CSMD1: variants seen among roughly 807,000 people sequenced by gnomAD.
CSMD1 encodes the protein CUB and Sushi multiple domains 1.
CSMD1 carries 213 observed loss-of-function variants against 417.5 expected under a neutral mutation model. The observed-to-expected ratio is 0.51, with a 90% CI of 0.46 to 0.57. The LOEUF (loss-of-function observed/expected upper bound fraction) is 0.57. Among genes scored for constraint, CSMD1 ranks in the 20% least tolerant of loss-of-function variants. CSMD1 has a pLI of 0.00. For synonymous variants in CSMD1, 2,862 were observed against 1,736.8 expected (o/e 1.65, Z -16.11); for missense variants, 6,923 against 4,529.7 (o/e 1.53, Z -15.17).
In CSMD1 at chr8:3,284,100, G is replaced by C. The variant is rs1802953422; in HGVS notation, c.4153+44C>G. ...GGAGGGAGATCTGTGTTCATGACAA[G>C]ACTTTGATATCAAGGTAAAGAAGAA... On this transcript the variant is annotated intron_variant, in intron 26 of 69. Coordinates refer to ENST00000635120, the MANE Select transcript of CSMD1 (RefSeq NM_033225.6). 4.3e-6 allele frequency: 6 copies of C among 1,401,942 alleles called. No individual in the cohort carries two copies. In the East Asian group the frequency reaches 1.2e-4, roughly 29 times the overall value. 86.8% of individuals were successfully genotyped at this position (1,401,942 alleles called of 1,614,324 possible).
At chr8:3,281,321 G>T (rs1802719819) in intron 26 of CSMD1, among the ~76,000 whole-genome samples, 1 of 152,034 alleles carries the variant, frequency 6.6e-6, no homozygotes, top group Non-Finnish European at 1.5e-5. Context: ...GTGCGTGCTT[G>T]TAATCCCAGC....
At position 3,308,462 on chromosome 8, in the gene CSMD1, A is replaced by C; in HGVS notation, c.3673T>G (p.Tyr1225Asp). 6.2e-7 allele frequency: 1 copy of C among 1,613,632 alleles called. No individual in the cohort carries two copies. Among genetic ancestry groups the C allele is most frequent in the Non-Finnish European group, 8.5e-7 (1 of 1,179,668 alleles). ...CCTTCATCACGGATCCTATAGCCGTAGTTAGGGATGCCCGGATCCTCACAT... is the reference window on the plus strand; with the variant it reads ...CCTTCATCACGGATCCTATAGCCGTCGTTAGGGATGCCCGGATCCTCACAT... ...VKCEDPGIPN[Y>D]GYRIRDEGHF... The change falls in exon 24 of 70, where the codon TAC becomes GAC. Residue 1225 changes from tyrosine to aspartate, a missense_variant. Coordinates refer to ENST00000635120, the MANE Select transcript of CSMD1 (RefSeq NM_033225.6).
chr8:3,836,267 G>C (rs2129090756), intron 5 of CSMD1, among the ~76,000 whole-genome samples: 1 of 152,144 alleles, frequency 6.6e-6, no homozygotes, highest in East Asian at 1.9e-4. Context: ...TTCACAATGT[G>C]GCATTAAAAA....
rs574131398 is a variant in CSMD1, at chr8:4,361,290, A to G, written c.415+58663T>C. Reference sequence around the variant, plus strand: ...ATATTACTACTTACTCATAAATAATACAAGATAAAGAAACTTATTTTTAAA... The same window carrying G: ...ATATTACTACTTACTCATAAATAATGCAAGATAAAGAAACTTATTTTTAAA... On this transcript the variant is annotated intron_variant, in intron 3 of 69. Coordinates refer to ENST00000635120, the MANE Select transcript of CSMD1 (RefSeq NM_033225.6). 3.2e-4 allele frequency among the ~76,000 whole-genome samples: 48 copies of G among 152,352 alleles called. 1 individual carries two copies. The highest frequency in any genetic ancestry group is 5.7e-4 in the Non-Finnish European group (39 of 68,030).
chr8:4,266,279 A>T lies in CSMD1; in HGVS notation c.415+153674T>A, dbSNP rs1470695774. Among the ~76,000 whole-genome samples, 18 of 105,580 alleles carry T rather than the reference A, an allele frequency of 1.7e-4. 3 individuals are homozygous for T. Among genetic ancestry groups the T allele is most frequent in the African/African-American group, 4.7e-4 (18 of 38,556 alleles). 69.3% of individuals were successfully genotyped at this position (105,580 alleles called of 152,430 possible). The stretch of plus-strand genomic sequence containing the variant: ...AATTTAATACCAAAGAAAATTTTAT[A>T]AATTTTTGTTTTCTATGTAAGAGAA... On this transcript the variant is annotated intron_variant, in intron 3 of 69. Coordinates refer to ENST00000635120, the MANE Select transcript of CSMD1 (RefSeq NM_033225.6).
intron 3 of CSMD1, among the ~76,000 whole-genome samples, chr8:4,082,730 C>CA (rs1800206698): frequency 6.6e-6 from 1 of 151,008 alleles, no homozygotes; most frequent in Non-Finnish European, 1.5e-5. Flanking sequence ...CGTCATTTAG[C>CA]ATTAGGTATA....
At chr8:3,277,300 G>A (rs1450607545) in intron 26 of CSMD1, among the ~76,000 whole-genome samples, 1 of 152,144 alleles carries the variant, frequency 6.6e-6, no homozygotes, top group East Asian at 1.9e-4. Context: ...GCAGAAGTGA[G>A]GCGTTGCCCA....
chr8:4,258,716 G>C (rs994844959), intron 3 of CSMD1, among the ~76,000 whole-genome samples: 3 of 151,958 alleles, frequency 2.0e-5, no homozygotes, highest in Non-Finnish European at 2.9e-5. Context: ...ACTGGGATGA[G>C]GGGTGGAACA....
intron 11 of CSMD1, among the ~76,000 whole-genome samples, chr8:3,487,413 G>A (rs185314250): frequency 6.6e-6 from 1 of 152,116 alleles, no homozygotes; most frequent in Non-Finnish European, 1.5e-5. Flanking sequence ...ATGTTAGCCA[G>A]GATGGTCTCG....
At chr8:4,004,269 C>G (rs1341072986) in intron 4 of CSMD1, among the ~76,000 whole-genome samples, 1 of 152,026 alleles carries the variant, frequency 6.6e-6, no homozygotes, top group Non-Finnish European at 1.5e-5. Context: ...ATCCCAGTAA[C>G]ATTCATGAAT....
Position 4,651,214 on chromosome 8 carries a change from G to C in CSMD1, c.86-13656C>G, listed in dbSNP as rs547727160. Among the ~76,000 whole-genome samples, 95 of 152,160 alleles carry C rather than the reference G, an allele frequency of 6.2e-4. 2 individuals carry two copies. The highest frequency in any genetic ancestry group is 3.3e-3 in the South Asian group (16 of 4,824). On this transcript the variant is annotated intron_variant, in intron 1 of 69. Transcript: ENST00000635120. ...TAATATCAGATGTGTATAAACTTAA[G>C]AATATTAAATACCTGGCAAACAGCA... is the stretch of plus-strand genomic sequence containing the variant.
intron 1 of CSMD1, among the ~76,000 whole-genome samples, chr8:4,732,513 T>G (rs1056814711): frequency 7.9e-5 from 12 of 152,068 alleles, no homozygotes; most frequent in Non-Finnish European, 1.6e-4. Context: ...TCGAGTAACT[T>G]TGCCAAATTC....
At chr8:4,478,742 G>C (rs1526336) in intron 2 of CSMD1, among the ~76,000 whole-genome samples, 3,066 of 152,142 alleles carry the variant, frequency 0.02, 94 homozygotes, top group African/African-American at 0.071. Context: ...TTTTTCCTTA[G>C]CTCATAGAAA....
chr8:4,615,923 C>T (rs78511714), intron 2 of CSMD1, among the ~76,000 whole-genome samples: 7,123 of 152,148 alleles, frequency 0.047, 220 homozygotes, highest in South Asian at 0.1. Flanking sequence ...TTGTACAGTG[C>T]CCCTTTCAAA....
intron 7 of CSMD1, among the ~76,000 whole-genome samples, chr8:3,681,758 G>C (rs1286956474): frequency 5.9e-5 from 9 of 152,126 alleles, no homozygotes; most frequent in Non-Finnish European, 1.2e-4. Flanking sequence ...AAAGAACAAA[G>C]CTGGAGGCAT....
chr8:4,692,108 C>G (rs1806806185), intron 1 of CSMD1, among the ~76,000 whole-genome samples: 1 of 152,098 alleles, frequency 6.6e-6, no homozygotes, highest in Non-Finnish European at 1.5e-5. Flanking sequence ...ACCCCTGGCA[C>G]CCTGGTACTC....
Position 4,066,286 on chromosome 8 carries a change from C to A in CSMD1, c.416-34187G>T, listed in dbSNP as rs150539643. Among the ~76,000 whole-genome samples, 20 of 152,228 alleles carry A rather than the reference C, an allele frequency of 1.3e-4. No homozygotes were observed. The South Asian group carries it at 3.3e-3, about 25-fold the overall frequency. On this transcript the variant is annotated intron_variant, in intron 3 of 69. Transcript: ENST00000635120. ...CTGAGGTATCCCTTCTTTCTCTGTA[C>A]GACCTTAACCGTTTATGTCTGGCTC... is the stretch of plus-strand genomic sequence containing the variant.
chr8:3,972,330 G>C (rs1318166893), intron 5 of CSMD1, among the ~76,000 whole-genome samples: 2 of 152,072 alleles, frequency 1.3e-5, no homozygotes, highest in Non-Finnish European at 2.9e-5. Context: ...TTCCAAGATT[G>C]TCACTTTTTC....
chr8:4,417,610 A>G (rs558915016), intron 3 of CSMD1, among the ~76,000 whole-genome samples: 1 of 152,176 alleles, frequency 6.6e-6, no homozygotes, highest in South Asian at 2.1e-4. Flanking sequence ...TCAGTATTTT[A>G]TTCTATTATT....
Sources: gnomAD v4.1 joint callset for allele counts (sites outside exome capture counted in the v4.1 genomes callset) on GRCh38, gnomAD v4.1.1 for gene constraint, MANE v1.5 for transcripts, NCBI Gene and HGNC (gene_info 2026-07-23, HGNC 2026-07-21) for gene names.